Variants in LOC128125817 observed in about 807,000 individuals in gnomAD.
the LOC128125817 span, among the ~76,000 whole-genome samples, chr1:41,627,669 A>G: frequency 0.59 from 89,048 of 151,952 alleles, 27,523 homozygotes; most frequent in African/African-American, 0.79. Flanking sequence ...CAGAGAAGCG[A>G]AAGAGTCACT....
At chr1:41,622,509 G>A in the LOC128125817 span, among the ~76,000 whole-genome samples, 1 of 152,126 alleles carries the variant, frequency 6.6e-6, no homozygotes, top group Non-Finnish European at 1.5e-5. Context: ...GCCTGTTTTC[G>A]TACATAAAAT....
the LOC128125817 span, among the ~76,000 whole-genome samples, chr1:41,587,865 C>A: frequency 6.6e-6 from 1 of 152,202 alleles, no homozygotes; most frequent in Admixed American, 6.5e-5. Flanking sequence ...ATGCGCACTG[C>A]AGTCTATGGC....
the LOC128125817 span, among the ~76,000 whole-genome samples, chr1:41,616,921 A>G: frequency 2.0e-5 from 3 of 152,222 alleles, no homozygotes; most frequent in Admixed American, 1.3e-4. Flanking sequence ...GCTCCTAACA[A>G]GCTTAAAGGA....
At chr1:41,619,130 C>T in the LOC128125817 span, among the ~76,000 whole-genome samples, 1 of 152,136 alleles carries the variant, frequency 6.6e-6, no homozygotes, top group African/African-American at 2.4e-5. Context: ...CTCCTCTGCT[C>T]CTGTGCCCCC....
At chr1:41,599,381 G>A in the LOC128125817 span, among the ~76,000 whole-genome samples, 13 of 152,270 alleles carry the variant, frequency 8.5e-5, no homozygotes, top group Non-Finnish European at 1.5e-4. Context: ...TGACAAACGC[G>A]TAATCACATA....
At chr1:41,601,878 T>C in the LOC128125817 span, among the ~76,000 whole-genome samples, 4 of 152,186 alleles carry the variant, frequency 2.6e-5, no homozygotes, top group Admixed American at 2.6e-4. Flanking sequence ...AGCTGTAAGC[T>C]TGTTATATAT....
the LOC128125817 span, among the ~76,000 whole-genome samples, chr1:41,599,408 GC>G: frequency 1.3e-5 from 2 of 152,122 alleles, no homozygotes; most frequent in African/African-American, 4.8e-5. Context: ...AAGGAGAGAA[GC>G]TAAATTGTGC....
At chr1:41,619,399 A>G in the LOC128125817 span, among the ~76,000 whole-genome samples, 1 of 152,236 alleles carries the variant, frequency 6.6e-6, no homozygotes. Context: ...CATTTATTTT[A>G]CATACACTTA....
At chr1:41,600,425 T>A in the LOC128125817 span, among the ~76,000 whole-genome samples, 2 of 152,208 alleles carry the variant, frequency 1.3e-5, no homozygotes, top group African/African-American at 4.8e-5. Flanking sequence ...TGAAACTTGA[T>A]GACATTATGC....
the LOC128125817 span, among the ~76,000 whole-genome samples, chr1:41,624,803 A>G: frequency 2.0e-5 from 3 of 152,154 alleles, no homozygotes; most frequent in East Asian, 5.8e-4. Flanking sequence ...TGAACTGAAG[A>G]CCATTCTGTG....
the LOC128125817 span, among the ~76,000 whole-genome samples, chr1:41,614,013 C>T: frequency 5.9e-5 from 9 of 152,330 alleles, no homozygotes; most frequent in Admixed American, 2.6e-4. Context: ...AGCACCCTGA[C>T]GCCCAGGCCA....
chr1:41,628,419 C>T, the LOC128125817 span, among the ~76,000 whole-genome samples: 14 of 152,240 alleles, frequency 9.2e-5, no homozygotes, highest in Non-Finnish European at 1.8e-4. Context: ...GAGGCTGTGG[C>T]CCCTGGAGAG....
chr1:41,599,278 C>T, the LOC128125817 span, among the ~76,000 whole-genome samples: 1 of 152,026 alleles, frequency 6.6e-6, no homozygotes, highest in Non-Finnish European at 1.5e-5. Flanking sequence ...AAATGATAGG[C>T]CTGAATACAA....
chr1:41,611,974 G>T, the LOC128125817 span, among the ~76,000 whole-genome samples: 1 of 152,062 alleles, frequency 6.6e-6, no homozygotes, highest in East Asian at 1.9e-4. Context: ...CCTTCTTGAT[G>T]GCCCAGGCTT....
At chr1:41,620,239 T>C in the LOC128125817 span, among the ~76,000 whole-genome samples, 1 of 152,206 alleles carries the variant, frequency 6.6e-6, no homozygotes, top group African/African-American at 2.4e-5. Context: ...TTCCCACACC[T>C]GCAGCTACGC....
chr1:41,605,573 G>A, the LOC128125817 span, among the ~76,000 whole-genome samples: 1 of 152,076 alleles, frequency 6.6e-6, no homozygotes, highest in Non-Finnish European at 1.5e-5. Flanking sequence ...GATAATAAGG[G>A]GTGGTAGATG....
the LOC128125817 span, among the ~76,000 whole-genome samples, chr1:41,609,486 C>T: frequency 6.6e-6 from 1 of 152,246 alleles, no homozygotes; most frequent in African/African-American, 2.4e-5. Context: ...CAGCAAAGTC[C>T]CTGTACACTG....
At chr1:41,587,884 C>T in the LOC128125817 span, among the ~76,000 whole-genome samples, 300 of 152,330 alleles carry the variant, frequency 2.0e-3, no homozygotes, top group South Asian at 9.7e-3. Context: ...GCCCCTAGTC[C>T]TATGGAAGCA....
chr1:41,598,688 GCCTTACTATAAGCTA>G, the LOC128125817 span, among the ~76,000 whole-genome samples: 1 of 152,162 alleles, frequency 6.6e-6, no homozygotes, highest in South Asian at 2.1e-4. Flanking sequence ...TAAATCATAG[GCCTTACTATAAGCTA>G]CAGTAATCAA....
Sources: gnomAD v4.1 joint callset for allele counts (sites outside exome capture counted in the v4.1 genomes callset) on GRCh38, gnomAD v4.1.1 for gene constraint, MANE v1.5 for transcripts.